Variants in BLTP3B observed in about 807,000 individuals in gnomAD.
BLTP3B encodes bridge-like lipid transfer protein family member 3B.
chr12:100,093,901 C>G, the BLTP3B span, among the ~76,000 whole-genome samples: 1 of 152,150 alleles, frequency 6.6e-6, no homozygotes, highest in East Asian at 1.9e-4. Flanking sequence ...TCTGCAGATT[C>G]TATTGTCTCT....
the BLTP3B span, among the ~76,000 whole-genome samples, chr12:100,075,808 C>T: frequency 1.3e-5 from 2 of 150,634 alleles, no homozygotes; most frequent in African/African-American, 4.9e-5. Context: ...ATCTCAGATA[C>T]ATTAGTTAGA....
the BLTP3B span, chr12:100,047,674 C>T: frequency 7.1e-7 from 1 of 1,409,852 alleles, no homozygotes; most frequent in Non-Finnish European, 1.0e-6. Flanking sequence ...CATGTTACTT[C>T]ATTCGGTCAT....
chr12:100,058,171 T>G, the BLTP3B span: 1 of 1,613,354 alleles, frequency 6.2e-7, no homozygotes. Flanking sequence ...CCTTTACTAG[T>G]TAAAGTACTT....
chr12:100,126,206 G>A, the BLTP3B span, among the ~76,000 whole-genome samples: 1 of 152,228 alleles, frequency 6.6e-6, no homozygotes, highest in African/African-American at 2.4e-5. Context: ...ATAAGGCAGA[G>A]AGAAGGACAT....
the BLTP3B span, among the ~76,000 whole-genome samples, chr12:100,107,681 A>G: frequency 4.1e-4 from 62 of 152,224 alleles, no homozygotes; most frequent in African/African-American, 1.4e-3. Flanking sequence ...AAAAGGGATA[A>G]AACTGCAAAT....
chr12:100,088,928 A>G, the BLTP3B span: 27 of 1,570,056 alleles, frequency 1.7e-5, no homozygotes, highest in Middle Eastern at 2.0e-3. Context: ...TTTCTTTAGC[A>G]TGAATGTCAT....
At chr12:100,091,015 C>T in the BLTP3B span, among the ~76,000 whole-genome samples, 1,118 of 151,188 alleles carry the variant, frequency 7.4e-3, 6 homozygotes, top group Middle Eastern at 0.014. Flanking sequence ...AAGCTCTCTG[C>T]CTCATGAATA....
the BLTP3B span, among the ~76,000 whole-genome samples, chr12:100,117,950 C>T: frequency 6.6e-6 from 1 of 152,024 alleles, no homozygotes; most frequent in South Asian, 2.1e-4. Context: ...ACAGATTTAT[C>T]GTGGAGGAGA....
the BLTP3B span, among the ~76,000 whole-genome samples, chr12:100,075,066 C>T: frequency 3.3e-5 from 5 of 151,244 alleles, no homozygotes; most frequent in African/African-American, 7.3e-5. Flanking sequence ...GGCTGGAGTG[C>T]AATGGCATGA....
the BLTP3B span, among the ~76,000 whole-genome samples, chr12:100,052,631 G>C: frequency 6.6e-6 from 1 of 151,898 alleles, no homozygotes; most frequent in Non-Finnish European, 1.5e-5. Flanking sequence ...CGAGCACATG[G>C]GAAAACATCA....
chr12:100,081,911 C>T, the BLTP3B span, among the ~76,000 whole-genome samples: 1 of 152,132 alleles, frequency 6.6e-6, no homozygotes, highest in African/African-American at 2.4e-5. Flanking sequence ...AATTTATATT[C>T]CTATGGGTAT....
At chr12:100,046,828 A>G in the BLTP3B span, among the ~76,000 whole-genome samples, 1 of 152,204 alleles carries the variant, frequency 6.6e-6, no homozygotes, top group Non-Finnish European at 1.5e-5. Flanking sequence ...ATGAGAAATA[A>G]CAAGGCAAAT....
the BLTP3B span, chr12:100,097,366 CTTCTT>C: frequency 1.2e-5 from 19 of 1,608,642 alleles, no homozygotes; most frequent in Non-Finnish European, 1.6e-5. Context: ...TTGACTCACC[CTTCTT>C]TTAAGTGTGA....
the BLTP3B span, chr12:100,047,490 A>C: frequency 6.7e-7 from 1 of 1,494,110 alleles, no homozygotes; most frequent in Non-Finnish European, 9.3e-7. Context: ...CAAGAGCAAA[A>C]TTCCATCTCA....
the BLTP3B span, chr12:100,128,437 T>C: frequency 1.8e-6 from 1 of 563,218 alleles, no homozygotes; most frequent in Non-Finnish European, 2.4e-6. Flanking sequence ...CATGAGCCTC[T>C]AGCTACATAG....
chr12:100,139,041 G>C, the BLTP3B span, among the ~76,000 whole-genome samples: 5 of 152,038 alleles, frequency 3.3e-5, no homozygotes, highest in African/African-American at 1.2e-4. Context: ...GAAAAATCGG[G>C]GCAGTTTCTC....
the BLTP3B span, among the ~76,000 whole-genome samples, chr12:100,113,502 T>C: frequency 6.6e-6 from 1 of 152,156 alleles, no homozygotes; most frequent in Admixed American, 6.6e-5. Flanking sequence ...AAATGCTATC[T>C]ACTGCTTACT....
the BLTP3B span, among the ~76,000 whole-genome samples, chr12:100,138,142 C>T: frequency 6.6e-6 from 1 of 152,204 alleles, no homozygotes; most frequent in Non-Finnish European, 1.5e-5. Flanking sequence ...CAACAAAGAA[C>T]TATCTATTTC....
At chr12:100,072,663 C>G in the BLTP3B span, 2 of 1,490,528 alleles carry the variant, frequency 1.3e-6, no homozygotes, top group Admixed American at 2.6e-5. Flanking sequence ...TAATTAAAAA[C>G]TCTCTTACTT....
Sources: gnomAD v4.1 joint callset for allele counts (sites outside exome capture counted in the v4.1 genomes callset) on GRCh38, gnomAD v4.1.1 for gene constraint, MANE v1.5 for transcripts, NCBI Gene and HGNC (gene_info 2026-07-23, HGNC 2026-07-21) for gene names.